The following ENTPD1 variants were observed in gnomAD, a reference collection of about 807,000 sequenced individuals.
ENTPD1 encodes the protein ectonucleoside triphosphate diphosphohydrolase 1.
Under a neutral mutation model 57.0 loss-of-function variants are expected in ENTPD1, and 33 were observed. That is an observed-to-expected ratio of 0.58 (90% CI 0.44 to 0.77). ENTPD1 has a LOEUF of 0.77. Ranked by LOEUF, ENTPD1 falls within the 30% of genes least tolerant of loss-of-function variation. The pLI is 0.00. For missense variants in ENTPD1, 501 were observed against 603.4 expected (o/e 0.83, Z 1.78); for synonymous variants, 202 against 218.8 (o/e 0.92, Z 0.68).
At chr10:95,827,733 T>C (rs1333359970) in intron 2 of ENTPD1, among the ~76,000 whole-genome samples, 1 of 152,104 alleles carries the variant, frequency 6.6e-6, no homozygotes, top group Non-Finnish European at 1.5e-5. Flanking sequence ...CTGCCCACCT[T>C]GGCCTCCCAA....
intron 2 of ENTPD1, among the ~76,000 whole-genome samples, chr10:95,824,466 T>C (rs1442331165): frequency 2.0e-5 from 3 of 152,272 alleles, no homozygotes; most frequent in African/African-American, 4.8e-5. Context: ...AGTGGTGCTG[T>C]GTACAGCAGT....
chr10:95,733,736 G>A (rs372975654), intron 1 of ENTPD1, among the ~76,000 whole-genome samples: 42 of 152,170 alleles, frequency 2.8e-4, no homozygotes, highest in African/African-American at 9.9e-4. Context: ...ATGGGGTGAG[G>A]AGCGAAGAGA....
intron 1 of ENTPD1, among the ~76,000 whole-genome samples, chr10:95,726,990 A>G (rs2097984372): frequency 6.6e-6 from 1 of 152,198 alleles, no homozygotes. Context: ...TAAAATCCAG[A>G]GAACTCCCAA....
At chr10:95,812,879 G>A in intron 1 of ENTPD1, among the ~76,000 whole-genome samples, 1 of 151,892 alleles carries the variant, frequency 6.6e-6, no homozygotes, top group African/African-American at 2.4e-5. Context: ...TTAATTAAGG[G>A]TAGTTAGAAT....
upstream of ENTPD1, among the ~76,000 whole-genome samples, chr10:95,708,536 A>G (rs1017076262): frequency 1.3e-5 from 2 of 152,214 alleles, no homozygotes; most frequent in Non-Finnish European, 2.9e-5. Context: ...CTTGATAGCT[A>G]TTCCGGAGAA....
chr10:95,796,469 CA>C, intron 1 of ENTPD1, among the ~76,000 whole-genome samples: 1 of 151,826 alleles, frequency 6.6e-6, no homozygotes, highest in East Asian at 1.9e-4. Flanking sequence ...GTTTCAGGTA[CA>C]AGAAAGAAAC....
At chr10:95,765,145 C>CT (rs1255105456) in intron 1 of ENTPD1, among the ~76,000 whole-genome samples, 1 of 152,154 alleles carries the variant, frequency 6.6e-6, no homozygotes, top group Non-Finnish European at 1.5e-5. Flanking sequence ...TGTCTTTTCA[C>CT]TTTCTTGATA....
upstream of ENTPD1, chr10:95,755,866 T>C: frequency 6.6e-7 from 1 of 1,519,622 alleles, no homozygotes; most frequent in Non-Finnish European, 8.8e-7. Context: ...AAGGGATTTC[T>C]ATAACGAAGA....
intron 7 of ENTPD1, among the ~76,000 whole-genome samples, chr10:95,858,629 T>TC (rs955461776): frequency 7.9e-5 from 12 of 152,096 alleles, no homozygotes; most frequent in African/African-American, 2.9e-4. Flanking sequence ...ACGATCTTTT[T>TC]CTGCACCTGG....
At chr10:95,694,400 C>T in the ENTPD1 span, among the ~76,000 whole-genome samples, 1 of 147,116 alleles carries the variant, frequency 6.8e-6, no homozygotes, top group Non-Finnish European at 1.5e-5. Context: ...AAAAAACAGT[C>T]TCCTCTAAAT....
chr10:95,749,090 C>T lies in ENTPD1; in HGVS notation c.37+37097C>T, dbSNP rs543467420. Among the ~76,000 whole-genome samples the T allele has an allele frequency of 4.6e-5, 7 of 152,288 alleles. No homozygotes were observed. In the South Asian group the frequency reaches 1.4e-3, roughly 32 times the overall value. On this transcript the variant is annotated intron_variant, in intron 1 of 9. Transcript: ENST00000453258. ...GTCATTGATGATTATTGTTTATGTT[C>T]ATTCCTTTGTGAGGTATTGCAAGAT...
In ENTPD1 at chr10:95,823,913, T is replaced by G. The variant is rs1025504954; in HGVS notation, c.144+549T>G. ...AGAAAACATATACGTGTATCAGGTA[T>G]AGTCATTTGAAATGAATTCATGGAT... On this transcript the variant is annotated intron_variant, in intron 2 of 9. Coordinates refer to ENST00000371205, the MANE Select transcript of ENTPD1 (RefSeq NM_001776.6). Among the ~76,000 whole-genome samples, 7 of 152,254 alleles carry G rather than the reference T, an allele frequency of 4.6e-5. No homozygotes were observed. In the East Asian group the frequency reaches 1.3e-3, roughly 29 times the overall value.
At chr10:95,839,452 C>A in intron 2 of ENTPD1, 2 of 537,218 alleles carry the variant, frequency 3.7e-6, no homozygotes, top group Non-Finnish European at 6.7e-6. Flanking sequence ...GCTTCTTGGG[C>A]CCTGTTCTGC....
At chr10:95,763,020 C>T (rs1350052858) in intron 1 of ENTPD1, among the ~76,000 whole-genome samples, 4 of 152,002 alleles carry the variant, frequency 2.6e-5, no homozygotes, top group African/African-American at 9.7e-5. Flanking sequence ...AACTTATGTG[C>T]ATGCTTTATC....
intron 1 of ENTPD1, among the ~76,000 whole-genome samples, chr10:95,717,788 A>G (rs560759743): frequency 2.0e-5 from 3 of 152,282 alleles, no homozygotes; most frequent in South Asian, 4.1e-4. Context: ...GGGGTCGTGC[A>G]GTTGAGATTT....
At chr10:95,694,216 C>G in the ENTPD1 span, 57 of 374,906 alleles carry the variant, frequency 1.5e-4, no homozygotes, top group Non-Finnish European at 2.8e-4. Flanking sequence ...CGAGAGGTTC[C>G]GCGCCCACTT....
intron 2 of ENTPD1, among the ~76,000 whole-genome samples, chr10:95,825,089 A>T (rs1448474696): frequency 1.3e-5 from 2 of 152,248 alleles, no homozygotes; most frequent in Non-Finnish European, 2.9e-5. Flanking sequence ...GATAGCCACT[A>T]GCCACATGCA....
At chr10:95,745,603 G>A (rs918270672) in intron 1 of ENTPD1, among the ~76,000 whole-genome samples, 1 of 152,176 alleles carries the variant, frequency 6.6e-6, no homozygotes, top group Non-Finnish European at 1.5e-5. Flanking sequence ...TATTTCAACA[G>A]AACATTTATG....
At chr10:95,746,725 C>T (rs1232422204) in intron 1 of ENTPD1, among the ~76,000 whole-genome samples, 1 of 152,166 alleles carries the variant, frequency 6.6e-6, no homozygotes, top group African/African-American at 2.4e-5. Flanking sequence ...CTCCTCCTAC[C>T]CTGCACCACA....
Sources: allele counts gnomAD v4.1 joint callset (sites outside exome capture counted in the v4.1 genomes callset), GRCh38; gene constraint gnomAD v4.1.1; transcripts MANE v1.5; gene names NCBI Gene and HGNC (gene_info 2026-07-23, HGNC 2026-07-21).